Variants in POLR3C observed in about 807,000 individuals in gnomAD.
The protein encoded by POLR3C is RNA polymerase III subunit C, also known as DNA-directed RNA polymerase III subunit RPC3.
In POLR3C, 44 loss-of-function variants were observed where a neutral mutation model predicts 65.9. The observed-to-expected ratio is 0.67, with a 90% CI of 0.52 to 0.86. The LOEUF (loss-of-function observed/expected upper bound fraction) is 0.86, where lower values mean the gene tolerates loss of function less well. Among genes scored for constraint, POLR3C ranks in the 40% least tolerant of loss-of-function variants. The pLI, the probability that POLR3C is intolerant of heterozygous loss-of-function variation, is 0.00. For missense variants in POLR3C, 576 were observed against 653.2 expected, an observed-to-expected ratio of 0.88 and a Z score of 1.29; for synonymous variants, 263 against 231.6, an observed-to-expected ratio of 1.14 and a Z score of -1.23.
At chr1:145,827,407 A>G (rs1650857340) in intron 4 of POLR3C, among the ~76,000 whole-genome samples, 1 of 152,164 alleles carries the variant, frequency 6.6e-6, no homozygotes, top group African/African-American at 2.4e-5. Flanking sequence ...GCATGAGGCC[A>G]GGAGTTCGAG....
At chr1:145,835,360 G>T (rs141333427) in intron 7 of POLR3C, among the ~76,000 whole-genome samples, 1 of 150,472 alleles carries the variant, frequency 6.6e-6, no homozygotes, top group African/African-American at 2.4e-5. Context: ...CAGGAGAATC[G>T]CTTGAACCCG....
chr1:145,827,261 ATAG>A (rs2101631778), intron 4 of POLR3C, among the ~76,000 whole-genome samples: 1 of 152,354 alleles, frequency 6.6e-6, no homozygotes, highest in South Asian at 2.1e-4. Flanking sequence ...AGGAACTGTC[ATAG>A]TATTATGAGA....
intron 11 of POLR3C, among the ~76,000 whole-genome samples, chr1:145,838,702 CAAAA>C (rs1284680661): frequency 1.3e-5 from 2 of 151,662 alleles, no homozygotes; most frequent in African/African-American, 4.8e-5. Flanking sequence ...ACAAAAAAAA[CAAAA>C]AACAAAAAAG....
Position 145,828,856 on chromosome 1 carries a change from T to G in POLR3C, c.678+19T>G. 1 of 1,343,138 alleles carries G rather than the reference T, an allele frequency of 7.4e-7. No individual in the cohort carries two copies. Among genetic ancestry groups the G allele is most frequent in the Non-Finnish European group, 1.1e-6 (1 of 932,938 alleles). The allele number at this position is 1,343,138 out of a possible 1,614,324, so 83.2% of individuals were successfully genotyped here. ...CAAGGAGGTAATGGGGCTTCTTGAT[T>G]AGAAGTCCTCACCCTGAAGCAGGCC... On this transcript the variant is annotated intron_variant, in intron 5 of 14. Transcript: ENST00000334163.
In POLR3C at chr1:145,824,389, T is replaced by C. The variant is rs1650515871; in HGVS notation, c.-21+20T>C. ...CCTGAGGTTAGTGGAAAATGCTGTC[T>C]GAACGTGGCGGCACTGACTGGACCA... On this transcript the variant is annotated intron_variant, in intron 1 of 14. Coordinates refer to ENST00000334163, the MANE Select transcript of POLR3C (RefSeq NM_006468.8). The C allele has an allele frequency of 4.5e-6, 2 of 441,024 alleles. No individual in the cohort carries two copies. The highest frequency in any genetic ancestry group is 1.7e-5 in the South Asian group (1 of 59,332). The allele number at this position is 441,024 out of a possible 1,614,324, so 27.3% of individuals were successfully genotyped here.
intron 8 of POLR3C, 84 bp from the exon 9 acceptor site, chr1:145,836,731 G>A: frequency 9.9e-7 from 1 of 1,010,164 alleles, no homozygotes; most frequent in South Asian, 1.3e-5. Flanking sequence ...GCTACCTGCT[G>A]CAGACTTTTG....
Position 145,833,285 on chromosome 1 carries a change from G to A in POLR3C, c.704G>A (p.Trp235Ter), listed in dbSNP as rs782756298. The A allele has an allele frequency of 7.4e-6, 12 of 1,612,150 alleles. No homozygotes were observed. The South Asian group carries it at 1.3e-4, about 18-fold the overall frequency. The change falls in exon 6 of 15, where the codon TGG becomes TAG. Residue 235 changes from tryptophan (W) to a stop codon, truncating the protein, a stop_gained. Transcript: ENST00000334163. LOFTEE classifies it high-confidence loss of function. ...CCCATTCCAGATGATGGGATTTATT[G>A]GCAGGCCAACCTTGACAGATTCCAC... ...KEPIPDDGIY[W>*]QANLDRFHQH...
chr1:145,824,561 C>G (rs936794275), intron 1 of POLR3C, 192 bp downstream of exon 1: 11 of 1,283,114 alleles, frequency 8.6e-6, no homozygotes, highest in Middle Eastern at 4.3e-4. Context: ...TCTGGTGATA[C>G]TGAGGCGGGG....
chr1:145,828,643 A>C (rs1650992606), intron 4 of POLR3C, 106 bp from the exon 5 acceptor site: 1 of 772,648 alleles, frequency 1.3e-6, no homozygotes, highest in Non-Finnish European at 2.3e-6. Flanking sequence ...TCTGATCTAG[A>C]GGCAGCTACA....
chr1:145,827,267 T>G (rs1350535010), intron 4 of POLR3C, among the ~76,000 whole-genome samples: 1 of 152,176 alleles, frequency 6.6e-6, no homozygotes, highest in Non-Finnish European at 1.5e-5. Context: ...TGTCATAGTA[T>G]TATGAGACAT....
intron 7 of POLR3C, 79 bp downstream of exon 7, chr1:145,833,661 T>C: frequency 2.1e-6 from 2 of 973,502 alleles, no homozygotes; most frequent in Admixed American, 3.4e-5. Context: ...GATCCTGAGT[T>C]TGGGTTGAGG....
rs369950875 is a variant in POLR3C at position 145,842,450 on chromosome 1, T to G, written c.*30T>G. 13 of 1,443,622 alleles carry G rather than the reference T, an allele frequency of 9.0e-6. No individual in the cohort carries two copies. Among genetic ancestry groups the G allele is most frequent in the Non-Finnish European group, 1.2e-5 (12 of 1,025,896 alleles). The allele number at this position is 1,443,622 out of a possible 1,614,324, so 89.4% of individuals were successfully genotyped here. On this transcript the variant is annotated 3_prime_UTR_variant, in exon 15 of 15. Transcript: ENST00000334163. Reference sequence around the variant, plus strand: ...GAAGAAGCATCTTCCTCAGAAGATCTGGGGGGATGGAAAGCAAAATAAAGG... The same window carrying G: ...GAAGAAGCATCTTCCTCAGAAGATCGGGGGGGATGGAAAGCAAAATAAAGG...
intron 4 of POLR3C, among the ~76,000 whole-genome samples, chr1:145,827,245 C>A (rs1025995063): frequency 6.6e-6 from 1 of 152,092 alleles, no homozygotes; most frequent in Non-Finnish European, 1.5e-5. Flanking sequence ...GGAAATATTC[C>A]TATGAAGGAA....
rs1213382079 is a variant in POLR3C, at chr1:145,843,599, C to T, written c.*1179C>T. 6.6e-6 allele frequency among the ~76,000 whole-genome samples: 1 copy of T among 152,074 alleles called. No individual in the cohort carries two copies. On this transcript the variant is annotated 3_prime_UTR_variant, in exon 15 of 15. Coordinates refer to ENST00000334163, the MANE Select transcript of POLR3C (RefSeq NM_006468.8). ...GATATAAAGATTAATAAATTTTGAG[C>T]ATACAGTCTAGTAGGAGGAGACAAA...
intron 5 of POLR3C, among the ~76,000 whole-genome samples, chr1:145,829,341 C>T (rs975643698): frequency 6.6e-6 from 1 of 152,184 alleles, no homozygotes; most frequent in Non-Finnish European, 1.5e-5. Context: ...ACCACCATTT[C>T]TGCTTAAGCC....
At position 145,844,024 on chromosome 1, in the gene POLR3C, T is replaced by G. The variant is rs1381421503; in HGVS notation, c.*1604T>G. On this transcript the variant is annotated 3_prime_UTR_variant, in exon 15 of 15. Coordinates refer to ENST00000334163, the MANE Select transcript of POLR3C (RefSeq NM_006468.8). ...ATCAAGAAGAAAGAATGAATGCTAG[T>G]GAGGATGTGGAAAAAGGAGAGCCCT... Among the ~76,000 whole-genome samples the G allele has an allele frequency of 1.3e-5, 2 of 152,106 alleles. No individual in the cohort carries two copies. Among genetic ancestry groups the G allele is most frequent in the Non-Finnish European group, 1.5e-5 (1 of 68,014 alleles).
intron 14 of POLR3C, among the ~76,000 whole-genome samples, chr1:145,841,836 C>A (rs1434951870): frequency 6.6e-6 from 1 of 151,782 alleles, no homozygotes; most frequent in Non-Finnish European, 1.5e-5. Flanking sequence ...GCTAGAACCT[C>A]CAGTAAAAGG....
At chr1:145,833,212 A>G in intron 5 of POLR3C, 48 bp from the exon 6 acceptor site, 2 of 1,108,384 alleles carry the variant, frequency 1.8e-6, no homozygotes, top group Non-Finnish European at 2.7e-6. Flanking sequence ...GCTCCTCACC[A>G]GAAAACTTTA....
chr1:145,836,406 C>T (rs1441413748), intron 7 of POLR3C, 88 bp from the exon 8 acceptor site: 8 of 797,022 alleles, frequency 1.0e-5, no homozygotes, highest in African/African-American at 6.8e-5. Flanking sequence ...AGGCCTTAGC[C>T]ACTGTGCCCG....
Sources: gnomAD v4.1 joint callset for allele counts (sites outside exome capture counted in the v4.1 genomes callset) on GRCh38, gnomAD v4.1.1 for gene constraint, MANE v1.5 for transcripts, NCBI Gene and HGNC (gene_info 2026-07-23, HGNC 2026-07-21) for gene names.